Variants in ROBO1 observed in about 807,000 individuals in gnomAD.
ROBO1 encodes roundabout homolog 1.
Under a neutral mutation model 195.9 loss-of-function variants are expected in ROBO1, and 149 were observed. The ratio of observed to expected loss-of-function variants is 0.76; its 90% confidence interval spans 0.67 to 0.87. The LOEUF is 0.87. Ranked by LOEUF, ROBO1 falls within the 40% of genes least tolerant of loss-of-function variation. ROBO1 has a pLI of 0.00. For missense variants in ROBO1, 1,933 were observed against 2,068.3 expected, an observed-to-expected ratio of 0.93 and a Z score of 1.27; for synonymous variants, 816 against 733.2, an observed-to-expected ratio of 1.11 and a Z score of -1.82.
intron 1 of ROBO1, among the ~76,000 whole-genome samples, chr3:79,767,460 C>T (rs1705058692): frequency 6.6e-6 from 1 of 152,186 alleles, no homozygotes; most frequent in Non-Finnish European, 1.5e-5. Context: ...CCGCAGCCTA[C>T]CTGGAACGGA....
chr3:79,616,162 T>G lies in ROBO1; in HGVS notation c.-50-26201A>C, dbSNP rs558778167. Among the ~76,000 whole-genome samples, 3 of 152,236 alleles carry G rather than the reference T, an allele frequency of 2.0e-5. No homozygotes were observed. In the East Asian group the frequency reaches 5.8e-4, roughly 30 times the overall value. ...AAGAGCAGAGCATCAGGTGGTCAGC[T>G]TGTGCAGGTTCATTCACTCTTTCTT... On this transcript the variant is annotated intron_variant, in intron 1 of 30. Coordinates refer to ENST00000464233, the MANE Select transcript of ROBO1 (RefSeq NM_002941.4).
intron 4 of ROBO1, among the ~76,000 whole-genome samples, chr3:78,903,891 G>C (rs1008556322): frequency 9.9e-5 from 15 of 151,966 alleles, no homozygotes; most frequent in Non-Finnish European, 1.6e-4. Context: ...TACAGGCTCT[G>C]CCATTTAATA....
At chr3:78,782,484 A>G (rs1424249366) in intron 4 of ROBO1, among the ~76,000 whole-genome samples, 1 of 152,178 alleles carries the variant, frequency 6.6e-6, no homozygotes, top group African/African-American at 2.4e-5. Flanking sequence ...GGCATGAGCT[A>G]CTGTGCCTGG....
intron 1 of ROBO1, among the ~76,000 whole-genome samples, chr3:79,718,398 G>A (rs1440963951): frequency 6.6e-6 from 1 of 151,740 alleles, no homozygotes; most frequent in African/African-American, 2.4e-5. Flanking sequence ...GACATTTTTT[G>A]CATTTAGCTT....
At chr3:78,865,757 C>A (rs2035136775) in intron 4 of ROBO1, among the ~76,000 whole-genome samples, 1 of 152,108 alleles carries the variant, frequency 6.6e-6, no homozygotes, top group African/African-American at 2.4e-5. Context: ...AGGCATGAGC[C>A]ACCGTGCCTG....
intron 4 of ROBO1, among the ~76,000 whole-genome samples, chr3:78,874,788 C>T (rs1287564308): frequency 6.6e-6 from 1 of 151,836 alleles, no homozygotes; most frequent in Non-Finnish European, 1.5e-5. Flanking sequence ...AATTCATAAA[C>T]CACAATAGTT....
chr3:79,118,930 A>G (rs1255871067), intron 3 of ROBO1, among the ~76,000 whole-genome samples: 1 of 152,132 alleles, frequency 6.6e-6, no homozygotes, highest in Non-Finnish European at 1.5e-5. Flanking sequence ...AAGTAATTAA[A>G]TGAAAATTTT....
chr3:78,921,289 G>C (rs1222744918), intron 4 of ROBO1, among the ~76,000 whole-genome samples: 1 of 152,102 alleles, frequency 6.6e-6, no homozygotes, highest in African/African-American at 2.4e-5. Flanking sequence ...TTAAATCACA[G>C]TATTTTTCTT....
intron 1 of ROBO1, among the ~76,000 whole-genome samples, chr3:79,750,022 C>A (rs1704058835): frequency 6.6e-6 from 1 of 152,214 alleles, no homozygotes. Flanking sequence ...TCAAGTCCAG[C>A]CCATAAAAGC....
chr3:79,485,195 T>C (rs1395984842), intron 2 of ROBO1, among the ~76,000 whole-genome samples: 1 of 152,124 alleles, frequency 6.6e-6, no homozygotes, highest in Non-Finnish European at 1.5e-5. Context: ...TAAAAAGATG[T>C]TTGTATGCAT....
intron 2 of ROBO1, among the ~76,000 whole-genome samples, chr3:79,304,019 C>A (rs909456685): frequency 3.3e-5 from 5 of 152,268 alleles, no homozygotes; most frequent in African/African-American, 1.2e-4. Flanking sequence ...TTCTTAATAG[C>A]CTGCAGTTTT....
At chr3:78,690,646 T>C (rs2081151646) in intron 8 of ROBO1, among the ~76,000 whole-genome samples, 1 of 151,988 alleles carries the variant, frequency 6.6e-6, no homozygotes, top group Non-Finnish European at 1.5e-5. Context: ...GACCAAGAAA[T>C]TGAAAGAATT....
At chr3:79,589,802 G>T (rs1347335361) in intron 2 of ROBO1, 22 bp downstream of exon 2, 2 of 1,585,524 alleles carry the variant, frequency 1.3e-6, no homozygotes, top group South Asian at 1.1e-5. Flanking sequence ...AAGTATTGAT[G>T]AAACAAATGC....
chr3:78,991,653 C>T (rs2077240809), intron 3 of ROBO1, among the ~76,000 whole-genome samples: 2 of 152,138 alleles, frequency 1.3e-5, no homozygotes, highest in South Asian at 4.1e-4. Flanking sequence ...CCCAGTAAAG[C>T]AAAAGTCTCA....
intron 2 of ROBO1, among the ~76,000 whole-genome samples, chr3:79,167,461 A>G (rs1293606931): frequency 6.6e-6 from 1 of 152,062 alleles, no homozygotes; most frequent in Non-Finnish European, 1.5e-5. Flanking sequence ...AATTCCTATA[A>G]CTTATATCTT....
chr3:78,634,502 A>G, intron 23 of ROBO1: 1 of 365,316 alleles, frequency 2.7e-6, no homozygotes, highest in Non-Finnish European at 5.8e-6. Context: ...GTCTAGTTGC[A>G]TTCCAGGTTC....
intron 17 of ROBO1, among the ~76,000 whole-genome samples, chr3:78,657,701 T>C (rs936774193): frequency 1.3e-5 from 2 of 152,208 alleles, no homozygotes; most frequent in Non-Finnish European, 2.9e-5. Context: ...TGACCAGATA[T>C]TGTAAAACAA....
At chr3:78,639,259 C>T (rs1705768265) in intron 22 of ROBO1, among the ~76,000 whole-genome samples, 1 of 151,928 alleles carries the variant, frequency 6.6e-6, no homozygotes, top group Admixed American at 6.6e-5. Context: ...GAGTTCGAGG[C>T]CAGCCTGGGC....
chr3:78,798,073 A>G (rs1016042466), intron 4 of ROBO1, among the ~76,000 whole-genome samples: 2 of 152,200 alleles, frequency 1.3e-5, no homozygotes, highest in African/African-American at 4.8e-5. Flanking sequence ...AGTATAAAGA[A>G]GATATTTTAT....
Sources: gnomAD v4.1 joint callset for allele counts (sites outside exome capture counted in the v4.1 genomes callset) on GRCh38, gnomAD v4.1.1 for gene constraint, MANE v1.5 for transcripts, NCBI Gene and HGNC (gene_info 2026-07-23, HGNC 2026-07-21) for gene names.